FGF12: variants seen among roughly 807,000 people sequenced by gnomAD.
The protein encoded by FGF12 is fibroblast growth factor 12, also known as fibroblast growth factor 12B.
A neutral mutation model predicts 23.6 loss-of-function variants in FGF12; 14 were observed. The ratio of observed to expected loss-of-function variants is 0.59; its 90% CI spans 0.39 to 0.93. The LOEUF is 0.93. Among genes scored for constraint, FGF12 ranks in the 40% least tolerant of loss-of-function variants. FGF12 has a pLI of 0.00. For synonymous variants in FGF12, 62 were observed against 77.3 expected (o/e 0.80, Z 1.04); for missense variants, 175 against 217.8 (o/e 0.80, Z 1.24).
intron 4 of FGF12, among the ~76,000 whole-genome samples, chr3:192,246,355 A>C (rs1012189087): frequency 6.6e-6 from 1 of 152,192 alleles, no homozygotes; most frequent in Admixed American, 6.5e-5. Flanking sequence ...AATGGGCCAA[A>C]CATTATACTG....
intron 4 of FGF12, among the ~76,000 whole-genome samples, chr3:192,280,918 C>G (rs1979695): frequency 6.6e-6 from 1 of 151,834 alleles, no homozygotes; most frequent in Non-Finnish European, 1.5e-5. Flanking sequence ...TTTTTTGAAG[C>G]CTTATTTATT....
At chr3:192,240,261 G>T (rs1003965509) in intron 4 of FGF12, among the ~76,000 whole-genome samples, 9 of 152,044 alleles carry the variant, frequency 5.9e-5, no homozygotes, top group African/African-American at 2.2e-4. Context: ...GAGCTTTCTG[G>T]ATTTTTCCAG....
At chr3:192,232,409 T>C (rs534098545) in intron 4 of FGF12, among the ~76,000 whole-genome samples, 1 of 152,298 alleles carries the variant, frequency 6.6e-6, no homozygotes, top group South Asian at 2.1e-4. Context: ...ATCAGATTCA[T>C]TGATGTATAT....
At chr3:192,420,280 A>G (rs1721482223) in intron 2 of FGF12, among the ~76,000 whole-genome samples, 1 of 151,878 alleles carries the variant, frequency 6.6e-6, no homozygotes, top group South Asian at 2.1e-4. Context: ...TGTTAGGCTC[A>G]TATTAGAGAG....
intron 2 of FGF12, among the ~76,000 whole-genome samples, chr3:192,627,656 CATTT>C (rs1375318824): frequency 6.6e-6 from 1 of 152,080 alleles, no homozygotes; most frequent in East Asian, 1.9e-4. Flanking sequence ...GTAGGGATAT[CATTT>C]ATTTGAAATT....
intron 4 of FGF12, chr3:192,267,176 G>T (rs1713130850): frequency 6.6e-6 from 1 of 152,064 alleles, no homozygotes; most frequent in South Asian, 2.1e-4. Flanking sequence ...TTAGTCCTTG[G>T]AAAGGTGATT....
Position 192,408,986 on chromosome 3 carries a change from A to G in FGF12, c.14-48448T>C, listed in dbSNP as rs899648811. The G allele has an allele frequency of 2.5e-5, 24 of 973,256 alleles. No homozygotes were observed. The highest frequency in any genetic ancestry group is 2.5e-5 in the Non-Finnish European group (21 of 826,504). 60.3% of individuals were successfully genotyped at this position (973,256 alleles called of 1,614,324 possible). A position where few individuals can be genotyped will look rare whatever the true frequency, so the allele number is the denominator to read the frequency against. Reference sequence around the variant, plus strand: ...GGGAGCGGTTACCCGGAGTCTGGGTAGGGGCGCGGGGCGGGGGCAGCTGTT... The same window carrying G: ...GGGAGCGGTTACCCGGAGTCTGGGTGGGGGCGCGGGGCGGGGGCAGCTGTT... On this transcript the variant is annotated intron_variant, in intron 2 of 5. Coordinates refer to ENST00000445105, the MANE Select transcript of FGF12 (RefSeq NM_004113.6). The surrounding 1 kb of genome is among the most constrained non-coding windows in gnomAD (Gnocchi z 7.3).
chr3:192,478,156 C>T (rs1199483596), intron 2 of FGF12, among the ~76,000 whole-genome samples: 9 of 152,098 alleles, frequency 5.9e-5, no homozygotes, highest in African/African-American at 1.4e-4. Context: ...AATATCTTGC[C>T]CTACCTAACC....
At chr3:192,615,083 G>A (rs1053496162) in intron 2 of FGF12, among the ~76,000 whole-genome samples, 1 of 151,930 alleles carries the variant, frequency 6.6e-6, no homozygotes. Flanking sequence ...AGATCTATGG[G>A]GGACTGAGAT....
At chr3:192,603,142 C>G (rs1210077084) in intron 2 of FGF12, among the ~76,000 whole-genome samples, 1 of 152,140 alleles carries the variant, frequency 6.6e-6, no homozygotes, top group East Asian at 1.9e-4. Flanking sequence ...GATGTCCACT[C>G]TCACCACTCC....
intron 2 of FGF12, among the ~76,000 whole-genome samples, chr3:192,685,570 G>A (rs1238664777): frequency 1.3e-5 from 2 of 152,092 alleles, no homozygotes; most frequent in African/African-American, 2.4e-5. Context: ...CTTAGGTATC[G>A]TGAGAGAGTA....
intron 2 of FGF12, among the ~76,000 whole-genome samples, chr3:192,518,522 A>G (rs1470596460): frequency 6.6e-6 from 1 of 152,196 alleles, no homozygotes; most frequent in Admixed American, 6.5e-5. Context: ...CAGTATATTT[A>G]TCTGTTTGGA....
chr3:192,696,639 T>G (rs1718132751), intron 2 of FGF12, among the ~76,000 whole-genome samples: 1 of 152,114 alleles, frequency 6.6e-6, no homozygotes, highest in Non-Finnish European at 1.5e-5. Context: ...TGACCTTGGC[T>G]TAGTCACCCA....
intron 4 of FGF12, among the ~76,000 whole-genome samples, chr3:192,294,152 T>C (rs1337931184): frequency 6.6e-6 from 1 of 152,168 alleles, no homozygotes; most frequent in Non-Finnish European, 1.5e-5. Flanking sequence ...ATGGGACTTG[T>C]TCCTCCTTGC....
chr3:192,534,772 T>C (rs1289041838), intron 2 of FGF12, among the ~76,000 whole-genome samples: 1 of 152,194 alleles, frequency 6.6e-6, no homozygotes, highest in East Asian at 1.9e-4. Context: ...ATAATTCATA[T>C]ATGACTGAAT....
intron 2 of FGF12, among the ~76,000 whole-genome samples, chr3:192,627,516 C>T (rs1487227006): frequency 1.6e-4 from 24 of 152,030 alleles, no homozygotes; most frequent in Non-Finnish European, 3.5e-4. Flanking sequence ...GTTAAAAGTA[C>T]AGCAATTTCT....
intron 4 of FGF12, among the ~76,000 whole-genome samples, chr3:192,222,783 G>A (rs1718542191): frequency 1.3e-5 from 2 of 152,028 alleles, no homozygotes; most frequent in African/African-American, 4.8e-5. Flanking sequence ...AAAAAATATG[G>A]CCATGAGTTT....
At chr3:192,567,087 TC>T (rs1712328732) in intron 2 of FGF12, among the ~76,000 whole-genome samples, 1 of 152,136 alleles carries the variant, frequency 6.6e-6, no homozygotes, top group Non-Finnish European at 1.5e-5. Flanking sequence ...CTCTGAGAAG[TC>T]AACAGGAAAA....
At position 192,267,750 on chromosome 3, in the gene FGF12, C is replaced by T. The variant is rs114019348; in HGVS notation, c.228+67611G>A. 8.4e-3 allele frequency among the ~76,000 whole-genome samples: 1,276 copies of T among 152,202 alleles called. 12 individuals are homozygous for T. Among genetic ancestry groups the T allele is most frequent in the African/African-American group, 0.029 (1,209 of 41,536 alleles). On this transcript the variant is annotated intron_variant, in intron 4 of 5. Coordinates refer to ENST00000445105, the MANE Select transcript of FGF12 (RefSeq NM_004113.6). Reference sequence around the variant, plus strand: ...TACATCAATTTGCTGTATAATTTCCCTAAACTTATTCATGGACTCCCAATG... The same window carrying T: ...TACATCAATTTGCTGTATAATTTCCTTAAACTTATTCATGGACTCCCAATG...
Sources: allele counts gnomAD v4.1 joint callset (sites outside exome capture counted in the v4.1 genomes callset), GRCh38; gene constraint gnomAD v4.1.1; non-coding constraint Gnocchi (gnomAD v3.1); transcripts MANE v1.5; gene names NCBI Gene and HGNC (gene_info 2026-07-23, HGNC 2026-07-21).